Variants in CRISP2 observed in about 807,000 individuals in gnomAD.
CRISP2 encodes cysteine-rich secretory protein 2.
Under a neutral mutation model 31.7 loss-of-function variants are expected in CRISP2, and 29 were observed. That is an observed-to-expected ratio of 0.92 (90% CI 0.68 to 1.25). CRISP2 has a LOEUF of 1.25. CRISP2 is among the 50% of genes most tolerant of loss of function. CRISP2 has a pLI of 0.00. For synonymous variants in CRISP2, 111 were observed against 101.4 expected (o/e 1.09, Z -0.57); for missense variants, 318 against 286.5 (o/e 1.11, Z -0.79).
At chr6:49,689,539 C>A (rs1354009468), downstream of CRISP2, among the ~76,000 whole-genome samples, 1 of 151,910 alleles carries the variant, frequency 6.6e-6, no homozygotes, top group Non-Finnish European at 1.5e-5. Context: ...CAAAATATTA[C>A]TAAAACTAAT....
At position 49,697,949 on chromosome 6, in the gene CRISP2, C is replaced by A; in HGVS notation, c.426G>T (p.Trp142Cys). 6.3e-7 allele frequency: 1 copy of A among 1,588,064 alleles called. No individual in the cohort carries two copies. The highest frequency in any genetic ancestry group is 8.5e-7 in the Non-Finnish European group (1 of 1,169,866). Residue 142 changes from tryptophan to cysteine, a missense_variant, in exon 8 of 10, where the codon TGG becomes TGT. Physicochemically the swap from Trp to Cys is radical, Grantham distance 215. Coordinates refer to ENST00000339139, the MANE Select transcript of CRISP2 (RefSeq NM_003296.4). ...AVVGHYTQLV[W>C]YSTYQVGCGI... Reference sequence around the variant, plus strand: ...CACAGCCTACCTGGTAAGTCGAGTACCAAACAAGCTGCAAATTAACAATGG... The same window carrying A: ...CACAGCCTACCTGGTAAGTCGAGTAACAAACAAGCTGCAAATTAACAATGG...
At chr6:49,680,109 C>T in the CRISP2 span, among the ~76,000 whole-genome samples, 89,233 of 151,954 alleles carry the variant, frequency 0.59, 26,734 homozygotes, top group East Asian at 0.8. Flanking sequence ...AGGTATTAGG[C>T]CTAGTATCCA....
intron 4 of CRISP2, among the ~76,000 whole-genome samples, chr6:49,702,374 A>C (rs1242448711): frequency 6.6e-6 from 1 of 151,410 alleles, no homozygotes; most frequent in African/African-American, 2.4e-5. Context: ...TAGTTCTTTA[A>C]GGAATTTCTA....
At position 49,699,876 on chromosome 6, in the gene CRISP2, C is replaced by A; in HGVS notation, c.199G>T (p.Val67Leu). Reference protein sequence around the residue: ...NMLKMEWSREVTTNAQRWANK... With the variant: ...NMLKMEWSRELTTNAQRWANK... ...GCCCACCTTTGGGCATTCGTTGTTA[C>A]CTCTCTGCTCCATTCCTAAACGTCA... The change falls in exon 6 of 10, where the codon GTA becomes TTA. Residue 67 changes from valine to leucine, a missense_variant. Val to Leu is a conservative substitution (Grantham distance 32). Transcript: ENST00000339139. 1 of 1,612,420 alleles carries A rather than the reference C, an allele frequency of 6.2e-7. No homozygotes were observed. The highest frequency in any genetic ancestry group is 8.5e-7 in the Non-Finnish European group (1 of 1,179,004).
the CRISP2 span, among the ~76,000 whole-genome samples, chr6:49,683,537 G>A: frequency 8.0e-5 from 12 of 149,508 alleles, no homozygotes; most frequent in Non-Finnish European, 1.5e-4. Context: ...GGTGGCAGGC[G>A]CCTGTAATCC....
chr6:49,691,531 C>T (rs1582002078), downstream of CRISP2, among the ~76,000 whole-genome samples: 1 of 151,906 alleles, frequency 6.6e-6, no homozygotes. Flanking sequence ...ATTGCTGATA[C>T]ATTTACTAAA....
intron 4 of CRISP2, among the ~76,000 whole-genome samples, chr6:49,707,768 T>C (rs760747513): frequency 1.3e-5 from 2 of 152,148 alleles, no homozygotes; most frequent in African/African-American, 2.4e-5. Context: ...ATGGAAGATA[T>C]GACAAGAAAC....
Position 49,695,857 on chromosome 6 carries a change from C to T in CRISP2, c.583G>A (p.Asp195Asn). ...QGTPCAGCPD[D>N]CDKGLCTNSC... ...TTACTGCATAGTCCTTTGTCACAGT[C>T]ATCAGGGCAACCGGCACAAGGTGTT... Residue 195 changes from aspartate (D) to asparagine (N), a missense_variant, in exon 9 of 10, where the codon GAC becomes AAC. Physicochemically the swap from Asp to Asn is conservative, Grantham distance 23. Transcript: ENST00000339139. The T allele has an allele frequency of 6.2e-7, 1 of 1,612,778 alleles. No individual in the cohort carries two copies. Among genetic ancestry groups the T allele is most frequent in the Non-Finnish European group, 8.5e-7 (1 of 1,179,172 alleles).
the CRISP2 span, among the ~76,000 whole-genome samples, chr6:49,682,577 CTTTCTTTCTTTTTCTTTCTTTCTT>C: frequency 3.1e-5 from 3 of 97,886 alleles, no homozygotes; most frequent in African/African-American, 8.0e-5. Flanking sequence ...CTTTCTTTTT[CTTTCTTTCTTTTTCTTTCTTTCTT>C]TCTTTCTTTC....
the CRISP2 span, among the ~76,000 whole-genome samples, chr6:49,682,702 C>CT: frequency 7.6e-6 from 1 of 132,368 alleles, no homozygotes; most frequent in Admixed American, 7.9e-5. Flanking sequence ...CTTTCTTTTT[C>CT]TTTTTTCTCT....
At chr6:49,684,913 C>A in the CRISP2 span, among the ~76,000 whole-genome samples, 1 of 152,146 alleles carries the variant, frequency 6.6e-6, no homozygotes, top group Non-Finnish European at 1.5e-5. Flanking sequence ...AGACTTTTTG[C>A]ATGCATACTA....
chr6:49,697,743 C>T (rs779621505), intron 8 of CRISP2, 117 bp downstream of exon 8: 18 of 1,568,978 alleles, frequency 1.1e-5, no homozygotes, highest in Admixed American at 9.0e-5. Context: ...CATTTCCAAA[C>T]GTTTATCCCC....
chr6:49,697,995 T>G, intron 7 of CRISP2, 38 bp from the exon 8 acceptor site: 1 of 1,432,956 alleles, frequency 7.0e-7, no homozygotes, highest in Non-Finnish European at 9.5e-7. Context: ...TAAAAGTACA[T>G]TAGAGAAGAT....
chr6:49,690,440 A>G (rs1188980503), downstream of CRISP2, among the ~76,000 whole-genome samples: 1 of 152,256 alleles, frequency 6.6e-6, no homozygotes, highest in Middle Eastern at 3.4e-3. Context: ...AAGAAAAACT[A>G]AGATAAACAA....
chr6:49,689,168 C>T (rs1763974805), downstream of CRISP2, among the ~76,000 whole-genome samples: 1 of 152,050 alleles, frequency 6.6e-6, no homozygotes, highest in African/African-American at 2.4e-5. Context: ...TGTGCCCAGC[C>T]TGGATTATGA....
intron 9 of CRISP2, among the ~76,000 whole-genome samples, chr6:49,694,975 G>A (rs921560958): frequency 1.1e-4 from 16 of 151,852 alleles, no homozygotes; most frequent in East Asian, 1.9e-4. Flanking sequence ...CTTGTGATCC[G>A]CCCACCTCTG....
At chr6:49,698,784 T>G (rs1765181822) in intron 6 of CRISP2, among the ~76,000 whole-genome samples, 1 of 152,112 alleles carries the variant, frequency 6.6e-6, no homozygotes, top group Admixed American at 6.6e-5. Flanking sequence ...TTTCCACATG[T>G]GTATGCCTTG....
intron 3 of CRISP2, among the ~76,000 whole-genome samples, chr6:49,710,255 G>A (rs932755608): frequency 6.6e-6 from 1 of 152,070 alleles, no homozygotes; most frequent in Non-Finnish European, 1.5e-5. Flanking sequence ...AATTATTGAC[G>A]GTTCATGGAA....
At position 49,692,870 on chromosome 6, in the gene CRISP2, C is replaced by T. The variant is rs1420025562; in HGVS notation, c.635G>A (p.Ser212Asn). ...TNSCQYQDLLSNCDSLKNTAG... is the reference protein window; with the variant it reads ...TNSCQYQDLLNNCDSLKNTAG... Reference sequence around the variant, plus strand: ...TGTATTCTTCAAGGAATCACAGTTACTTAGGAGATCTTGATACTGGCAACT... The same window carrying T: ...TGTATTCTTCAAGGAATCACAGTTATTTAGGAGATCTTGATACTGGCAACT... Residue 212 changes from serine (S) to asparagine (N), a missense_variant, in exon 10 of 10, where the codon AGT becomes AAT. By Grantham distance (46) the Ser-to-Asn change is conservative. Transcript: ENST00000339139. The T allele has an allele frequency of 6.2e-7, 1 of 1,613,660 alleles. No homozygotes were observed. Among genetic ancestry groups the T allele is most frequent in the South Asian group, 1.1e-5 (1 of 91,052 alleles).
Sources: allele counts gnomAD v4.1 joint callset (sites outside exome capture counted in the v4.1 genomes callset), GRCh38; gene constraint gnomAD v4.1.1; transcripts MANE v1.5; gene names NCBI Gene and HGNC (gene_info 2026-07-23, HGNC 2026-07-21).